Variants in EPN2 observed in about 807,000 individuals in gnomAD.
The protein encoded by EPN2 is epsin-2.
In EPN2, 34 loss-of-function variants were observed where a neutral mutation model predicts 61.7. That is an observed-to-expected ratio of 0.55 (90% confidence interval 0.42 to 0.73). EPN2 has a LOEUF of 0.73. Ranked by LOEUF, EPN2 falls within the 30% of genes least tolerant of loss-of-function variation. The pLI is 0.00. For missense variants in EPN2, 714 were observed against 839.2 expected, an observed-to-expected ratio of 0.85 and a Z score of 1.84; for synonymous variants, 349 against 353.6, an observed-to-expected ratio of 0.99 and a Z score of 0.15.
intron 4 of EPN2, among the ~76,000 whole-genome samples, chr17:19,288,976 C>T (rs1013656098): frequency 6.6e-6 from 1 of 151,144 alleles, no homozygotes; most frequent in Non-Finnish European, 1.5e-5. Flanking sequence ...AGCAGGGAGC[C>T]AGGTCAGGAG....
At chr17:19,239,584 G>A (rs2044860368) in intron 1 of EPN2, among the ~76,000 whole-genome samples, 1 of 152,218 alleles carries the variant, frequency 6.6e-6, no homozygotes, top group African/African-American at 2.4e-5. Context: ...ATGAGATACT[G>A]GTTATTAAAG....
At chr17:19,294,572 G>A (rs2045496775) in intron 4 of EPN2, among the ~76,000 whole-genome samples, 2 of 152,224 alleles carry the variant, frequency 1.3e-5, no homozygotes, top group Non-Finnish European at 2.9e-5. Context: ...GTCAATAAGT[G>A]TAGAAGGTTT....
intron 7 of EPN2, 191 bp downstream of exon 7, chr17:19,313,470 CTTTGT>C: frequency 2.2e-6 from 1 of 455,828 alleles, no homozygotes; most frequent in Non-Finnish European, 3.8e-6. Context: ...GGTGTTCCCT[CTTTGT>C]TTTGAGTGGT....
rs1294953323 is a variant in EPN2, at chr17:19,333,943, T to C, written c.1628-13T>C. On this transcript the variant is annotated splice_polypyrimidine_tract_variant and intron_variant, in intron 10 of 10. Coordinates refer to ENST00000314728, the MANE Select transcript of EPN2 (RefSeq NM_014964.5). The stretch of plus-strand genomic sequence containing the variant: ...TGACGGCTCAGCCTCTGCCCCTCCT[T>C]CTGTCTCCCCAGGTGCTCCCGCCAC... The C allele has an allele frequency of 3.3e-6, 5 of 1,517,002 alleles. No homozygotes were observed. The highest frequency in any genetic ancestry group is 2.3e-5 in the East Asian group (1 of 42,874). 94.0% of individuals were successfully genotyped at this position (1,517,002 alleles called of 1,614,324 possible). A position where few individuals can be genotyped will look rare whatever the true frequency, so the allele number is the denominator to read the frequency against.
chr17:19,304,402 C>T (rs1274030415), intron 4 of EPN2, among the ~76,000 whole-genome samples: 3 of 152,208 alleles, frequency 2.0e-5, no homozygotes, highest in East Asian at 3.9e-4. Flanking sequence ...GGACAGTGGA[C>T]GCTGACCCTG....
intron 1 of EPN2, among the ~76,000 whole-genome samples, chr17:19,243,130 G>A (rs559280321): frequency 6.6e-6 from 1 of 152,220 alleles, no homozygotes; most frequent in African/African-American, 2.4e-5. Context: ...ACTCCTGTGT[G>A]CAGCAGAAGC....
intron 1 of EPN2, among the ~76,000 whole-genome samples, chr17:19,277,400 C>CA (rs58679739): frequency 0.024 from 1,804 of 75,094 alleles, 27 homozygotes; most frequent in Non-Finnish European, 0.039. Flanking sequence ...GACTCTGTCT[C>CA]AAAAAAAAAA....
chr17:19,332,217 C>A, intron 10 of EPN2, 149 bp downstream of exon 10: 1 of 652,918 alleles, frequency 1.5e-6, no homozygotes, highest in Non-Finnish European at 2.6e-6. Context: ...CTCGCCAGTG[C>A]TGCATGGGGT....
intron 4 of EPN2, among the ~76,000 whole-genome samples, chr17:19,305,185 G>A (rs1413914198): frequency 6.8e-6 from 1 of 147,436 alleles, no homozygotes; most frequent in Non-Finnish European, 1.5e-5. Context: ...GCAGTGGTAT[G>A]ATCTTGGCTC....
chr17:19,261,902 T>C (rs1358022506), intron 1 of EPN2, among the ~76,000 whole-genome samples: 1 of 152,206 alleles, frequency 6.6e-6, no homozygotes, highest in African/African-American at 2.4e-5. Context: ...TTAACAGTTT[T>C]ATTGGCTGGG....
In EPN2 at chr17:19,334,105, A is replaced by T; in HGVS notation, c.1777A>T (p.Met593Leu). The change falls in exon 11 of 11, where the codon ATG becomes TTG. Residue 593 changes from methionine to leucine, a missense_variant. By Grantham distance (15) the Met-to-Leu change is conservative. This residue lies in a region of EPN2 where 410 missense variants were observed against 421.8 expected (regional missense o/e 0.97). Coordinates refer to ENST00000314728, the MANE Select transcript of EPN2 (RefSeq NM_014964.5). The surrounding 1 kb of genome is among the most constrained non-coding windows in gnomAD (Gnocchi z 4.9). ...PGVESMAVAS[M>L]TSAAPQPALG... ...AGTGGAGTCCATGGCTGTGGCCTCG[A>T]TGACCTCCGCGGCCCCACAGCCAGC... 1 of 1,608,938 alleles carries T rather than the reference A, an allele frequency of 6.2e-7. No individual in the cohort carries two copies. Among genetic ancestry groups the T allele is most frequent in the Non-Finnish European group, 8.5e-7 (1 of 1,177,802 alleles).
At chr17:19,291,391 T>G (rs2045463064) in intron 4 of EPN2, among the ~76,000 whole-genome samples, 2 of 147,036 alleles carry the variant, frequency 1.4e-5, no homozygotes, top group Admixed American at 6.9e-5. Flanking sequence ...TCTCAGGGAG[T>G]GGAATGGCAA....
rs146101994 is a variant in EPN2 at position 19,289,586 on chromosome 17, C to T, written c.766+3796C>T. The stretch of plus-strand genomic sequence containing the variant: ...GACACATCGAAGTGTCTCCTAGACA[C>T]GCAAGTGGAGGTGTCAAGAAGGTCT... On this transcript the variant is annotated intron_variant, in intron 4 of 10. Transcript: ENST00000314728. Among the ~76,000 whole-genome samples, 26 of 151,974 alleles carry T rather than the reference C, an allele frequency of 1.7e-4. 1 individual carries two copies. In the East Asian group the frequency reaches 1.7e-3, roughly 10 times the overall value.
intron 9 of EPN2, 36 bp downstream of exon 9, chr17:19,329,683 G>A (rs375733390): frequency 1.3e-5 from 17 of 1,267,952 alleles, no homozygotes; most frequent in South Asian, 8.8e-5. Context: ...ATAATCCTCC[G>A]TGCATTTGAC....
chr17:19,248,105 G>A (rs1435924315), intron 1 of EPN2, among the ~76,000 whole-genome samples: 1 of 152,178 alleles, frequency 6.6e-6, no homozygotes, highest in African/African-American at 2.4e-5. Flanking sequence ...GGGATTGGAA[G>A]GGGAAAATTG....
intron 1 of EPN2, among the ~76,000 whole-genome samples, chr17:19,260,980 A>G (rs186526322): frequency 1.6e-4 from 25 of 152,184 alleles, no homozygotes; most frequent in African/African-American, 6.0e-4. Context: ...TTGCACTGTG[A>G]AGTTGTCCCT....
At chr17:19,242,241 C>G (rs991571135) in intron 1 of EPN2, among the ~76,000 whole-genome samples, 1 of 151,364 alleles carries the variant, frequency 6.6e-6, no homozygotes, top group African/African-American at 2.4e-5. Context: ...GTTTTTGAGA[C>G]GAGTCTGGCC....
intron 1 of EPN2, among the ~76,000 whole-genome samples, chr17:19,278,133 A>G (rs929205238): frequency 6.6e-6 from 1 of 150,522 alleles, no homozygotes; most frequent in African/African-American, 2.4e-5. Context: ...AGGATTATTT[A>G]TTTGTTTGTT....
At chr17:19,244,815 A>ATCCGCCTGCCTCGGCCTCCC (rs2044927043) in intron 1 of EPN2, among the ~76,000 whole-genome samples, 1 of 152,102 alleles carries the variant, frequency 6.6e-6, no homozygotes, top group Non-Finnish European at 1.5e-5. Flanking sequence ...TTGCATTTTA[A>ATCCGCCTGCCTCGGCCTCCC]AAAACTAAGA....
Sources: allele counts gnomAD v4.1 joint callset (sites outside exome capture counted in the v4.1 genomes callset), GRCh38; gene constraint gnomAD v4.1.1; regional missense constraint gnomAD v4.1.1; non-coding constraint Gnocchi (gnomAD v3.1); transcripts MANE v1.5; gene names NCBI Gene and HGNC (gene_info 2026-07-23, HGNC 2026-07-21).